RELB: variants seen among roughly 807,000 people sequenced by gnomAD.
RELB encodes the protein RELB proto-oncogene, NF-kB subunit, also known as transcription factor RelB.
RELB carries 14 observed loss-of-function variants against 55.4 expected under a neutral mutation model. The ratio of observed to expected loss-of-function variants is 0.25; its 90% CI spans 0.17 to 0.40. RELB has a LOEUF of 0.40. RELB is among the 10% of genes least tolerant of loss of function. The pLI, the probability that RELB is intolerant of heterozygous loss-of-function variation, is 1.00. For synonymous variants in RELB, 409 were observed against 371.3 expected (o/e 1.10, Z -1.17); for missense variants, 669 against 830.7 (o/e 0.81, Z 2.39).
chr19:45,035,863 C>T (rs1971679840), intron 11 of RELB, among the ~76,000 whole-genome samples: 1 of 152,144 alleles, frequency 6.6e-6, no homozygotes, highest in Non-Finnish European at 1.5e-5. Flanking sequence ...GGTAGGTGTT[C>T]CAGGGATGGT....
At chr19:45,024,929 G>C (rs34472086) in intron 5 of RELB, among the ~76,000 whole-genome samples, 1 of 149,180 alleles carries the variant, frequency 6.7e-6, no homozygotes, top group Non-Finnish European at 1.5e-5. Flanking sequence ...GCACAATCTC[G>C]GCTCACTGCA....
intron 3 of RELB, among the ~76,000 whole-genome samples, chr19:45,010,443 C>T (rs748345710): frequency 2.5e-4 from 38 of 151,556 alleles, no homozygotes; most frequent in Non-Finnish European, 5.0e-4. Context: ...GCTGATAGCC[C>T]GGTGTGGGAG....
chr19:45,030,290 T>C (rs968776908), intron 8 of RELB, among the ~76,000 whole-genome samples: 2 of 151,882 alleles, frequency 1.3e-5, no homozygotes, highest in East Asian at 3.9e-4. Flanking sequence ...CTGGGCAACA[T>C]AGCAAGCCCC....
intron 2 of RELB, among the ~76,000 whole-genome samples, chr19:45,009,391 A>G (rs1600064377): frequency 6.6e-6 from 1 of 152,078 alleles, no homozygotes; most frequent in Non-Finnish European, 1.5e-5. Context: ...ACCTCTTTGT[A>G]TCTTTAAACA....
At chr19:45,021,106 G>A (rs114627037) in intron 4 of RELB, among the ~76,000 whole-genome samples, 2,763 of 151,984 alleles carry the variant, frequency 0.018, 51 homozygotes, top group African/African-American at 0.035. Flanking sequence ...GCCCGGAGGC[G>A]GAGGTTGCAG....
chr19:45,028,065 T>G (rs1971578491), intron 7 of RELB, among the ~76,000 whole-genome samples: 1 of 151,886 alleles, frequency 6.6e-6, no homozygotes, highest in African/African-American at 2.4e-5. Context: ...TTTAAAACTT[T>G]GTAGAGCTAG....
intron 11 of RELB, among the ~76,000 whole-genome samples, chr19:45,036,287 G>C (rs1443163178): frequency 6.6e-6 from 1 of 152,152 alleles, no homozygotes; most frequent in Non-Finnish European, 1.5e-5. Context: ...TGGCCGGGCT[G>C]GTCTTGAACT....
chr19:45,015,225 A>C (rs1971408257), intron 4 of RELB, among the ~76,000 whole-genome samples: 1 of 152,110 alleles, frequency 6.6e-6, no homozygotes, highest in Non-Finnish European at 1.5e-5. Flanking sequence ...GTTTATCCCC[A>C]TCTTCAGAGT....
intron 8 of RELB, 86 bp from the exon 9 acceptor site, chr19:45,032,448 G>A: frequency 8.9e-7 from 1 of 1,127,346 alleles, no homozygotes; most frequent in Middle Eastern, 2.0e-4. Flanking sequence ...GGGAATATTA[G>A]TCTTGATTTT....
chr19:45,034,454 C>T lies in RELB; in HGVS notation c.1280C>T (p.Pro427Leu). Residue 427 changes from proline (P) to leucine (L), a missense_variant, in exon 11 of 12, where the codon CCC becomes CTC. Pro to Leu is a moderately conservative substitution (Grantham distance 98, BLOSUM62 -3). Coordinates refer to ENST00000221452, the MANE Select transcript of RELB (RefSeq NM_006509.4). ...DVLGELNSSDPHGIESKRRKK... is the reference protein window; with the variant it reads ...DVLGELNSSDLHGIESKRRKK... ...CCTCATCTCTGCCTTCCCTCAGACC[C>T]CCATGGCATCGAGAGCAAACGGCGG... 6.2e-7 allele frequency: 1 copy of T among 1,612,142 alleles called. No individual in the cohort carries two copies. The highest frequency in any genetic ancestry group is 8.5e-7 in the Non-Finnish European group (1 of 1,179,128).
intron 2 of RELB, 146 bp from the exon 3 acceptor site, chr19:45,009,668 C>A: frequency 1.2e-6 from 1 of 829,704 alleles, no homozygotes; most frequent in Non-Finnish European, 1.9e-6. Flanking sequence ...AGTGCCCCAG[C>A]AAGTCAGAGC....
intron 11 of RELB, among the ~76,000 whole-genome samples, chr19:45,035,740 C>A (rs1197758077): frequency 1.3e-5 from 2 of 152,132 alleles, no homozygotes; most frequent in Non-Finnish European, 2.9e-5. Flanking sequence ...GCAGGAGAAT[C>A]ATTTGAACCC....
At chr19:45,010,896 C>T (rs1395964180) in intron 3 of RELB, among the ~76,000 whole-genome samples, 1 of 152,032 alleles carries the variant, frequency 6.6e-6, no homozygotes, top group Non-Finnish European at 1.5e-5. Flanking sequence ...GCTCTTGTTG[C>T]CCAGGCTGGA....
chr19:45,028,571 T>C (rs1332822122), intron 7 of RELB, among the ~76,000 whole-genome samples: 3 of 152,072 alleles, frequency 2.0e-5, no homozygotes, highest in African/African-American at 4.8e-5. Context: ...TGACCTCAAG[T>C]GATCCACCTG....
At chr19:45,013,394 G>A (rs751786489) in intron 4 of RELB, among the ~76,000 whole-genome samples, 1 of 151,992 alleles carries the variant, frequency 6.6e-6, no homozygotes, top group South Asian at 2.1e-4. Context: ...GCATGCCTTG[G>A]CCTTCCAGAG....
chr19:45,033,167 C>T (rs548933929), intron 9 of RELB, among the ~76,000 whole-genome samples: 1 of 152,110 alleles, frequency 6.6e-6, no homozygotes, highest in Admixed American at 6.6e-5. Flanking sequence ...ATGAAGTGCT[C>T]AAGGGCTCAC....
chr19:45,032,116 A>G (rs1971630182), intron 8 of RELB, among the ~76,000 whole-genome samples: 1 of 151,790 alleles, frequency 6.6e-6, no homozygotes, highest in Non-Finnish European at 1.5e-5. Flanking sequence ...CATGCCTATA[A>G]TCCCAGCTAC....
chr19:45,025,551 C>T (rs1331955544), intron 6 of RELB, 55 bp from the exon 7 acceptor site: 1 of 1,608,880 alleles, frequency 6.2e-7, no homozygotes, highest in East Asian at 2.2e-5. Context: ...TTCCCCTGTA[C>T]CCCAGAGAGG....
intron 4 of RELB, among the ~76,000 whole-genome samples, chr19:45,020,849 A>ATG (rs1971476781): frequency 1.3e-5 from 2 of 151,620 alleles, no homozygotes; most frequent in Non-Finnish European, 2.9e-5. Context: ...GAGCCACCGC[A>ATG]CCCGGCCATG....
Sources: gnomAD v4.1 joint callset for allele counts (sites outside exome capture counted in the v4.1 genomes callset) on GRCh38, gnomAD v4.1.1 for gene constraint, MANE v1.5 for transcripts, NCBI Gene and HGNC (gene_info 2026-07-23, HGNC 2026-07-21) for gene names.